SEC24B: variants seen among roughly 807,000 people sequenced by gnomAD.
SEC24B encodes the protein SEC24 homolog B, COPII component, also known as protein transport protein Sec24B.
SEC24B carries 45 observed loss-of-function variants against 142.8 expected under a neutral mutation model. That is an observed-to-expected ratio of 0.32 (90% confidence interval 0.25 to 0.40). SEC24B has a LOEUF of 0.40. Among genes scored for constraint, SEC24B ranks in the 10% least tolerant of loss-of-function variants. SEC24B has a pLI of 1.00. For synonymous variants in SEC24B, 574 were observed against 568.2 expected (o/e 1.01, Z -0.15); for missense variants, 1,409 against 1,526.8 (o/e 0.92, Z 1.29).
chr4:109,519,685 TTCTG>T (rs1387753488), intron 11 of SEC24B, among the ~76,000 whole-genome samples: 1 of 152,200 alleles, frequency 6.6e-6, no homozygotes, highest in Non-Finnish European at 1.5e-5. Flanking sequence ...ACTTGTAGCT[TTCTG>T]TTCTCTGAAA....
In SEC24B at chr4:109,521,561, T is replaced by A. The variant is rs1723616771; in HGVS notation, c.2443T>A (p.Leu815Ile). Residue 815 changes from leucine (L) to isoleucine (I), a missense_variant, in exon 14 of 24, where the codon TTA becomes ATA. By Grantham distance (5) the Leu-to-Ile change is conservative (BLOSUM62 2). This residue lies in a region of SEC24B where 700 missense variants were observed against 853.3 expected (regional missense o/e 0.82). Coordinates refer to ENST00000265175, the MANE Select transcript of SEC24B (RefSeq NM_006323.5). The stretch of plus-strand genomic sequence containing the variant: ...CCGTGTGTCTGTATTTCAGACACAG[T>A]TACCTTCCTTGGGTGCAGGACTTCT... ...GGRVSVFQTQ[L>I]PSLGAGLLQS... 1.9e-6 allele frequency: 3 copies of A among 1,614,134 alleles called. No individual in the cohort carries two copies. Among genetic ancestry groups the A allele is most frequent in the Non-Finnish European group, 2.5e-6 (3 of 1,179,988 alleles).
At chr4:109,532,209 C>T (rs918397675) in intron 20 of SEC24B, among the ~76,000 whole-genome samples, 4 of 152,068 alleles carry the variant, frequency 2.6e-5, no homozygotes, top group Non-Finnish European at 4.4e-5. Flanking sequence ...TATAGTAAAC[C>T]AAATCTGGTA....
At chr4:109,512,663 AT>A (rs1017081723) in intron 9 of SEC24B, among the ~76,000 whole-genome samples, 7 of 145,520 alleles carry the variant, frequency 4.8e-5, no homozygotes, top group Non-Finnish European at 6.1e-5. Context: ...TTTTTTTTTA[AT>A]TTTTTTTTTG....
intron 6 of SEC24B, among the ~76,000 whole-genome samples, chr4:109,496,377 T>G (rs1374739984): frequency 6.6e-6 from 1 of 152,094 alleles, no homozygotes. Context: ...CCTCCCAAAG[T>G]GTGCTGGGAT....
intron 6 of SEC24B, among the ~76,000 whole-genome samples, chr4:109,501,338 C>T (rs1054629806): frequency 2.0e-5 from 3 of 152,210 alleles, no homozygotes; most frequent in South Asian, 2.1e-4. Flanking sequence ...GATGTTTGCA[C>T]AAGGACAAAA....
At chr4:109,495,482 G>T (rs375218416) in intron 6 of SEC24B, among the ~76,000 whole-genome samples, 7 of 152,192 alleles carry the variant, frequency 4.6e-5, no homozygotes, top group South Asian at 2.1e-4. Flanking sequence ...GAGAGGAGAA[G>T]GAGAAACAGC....
intron 1 of SEC24B, among the ~76,000 whole-genome samples, chr4:109,434,807 C>T (rs979085074): frequency 2.0e-5 from 3 of 152,136 alleles, no homozygotes; most frequent in East Asian, 1.9e-4. Context: ...GAGGCAGGGC[C>T]TTCATACAGG....
At chr4:109,443,099 T>C (rs1729088345) in intron 1 of SEC24B, among the ~76,000 whole-genome samples, 1 of 152,160 alleles carries the variant, frequency 6.6e-6, no homozygotes, top group African/African-American at 2.4e-5. Context: ...CATGCTCCCC[T>C]TTTCCCTCAA....
At chr4:109,516,111 A>G (rs981159077) in intron 10 of SEC24B, among the ~76,000 whole-genome samples, 2 of 152,168 alleles carry the variant, frequency 1.3e-5, no homozygotes, top group Non-Finnish European at 2.9e-5. Context: ...GCACTTAAAC[A>G]TTAGGATTCA....
chr4:109,533,926 A>G (rs921010226), intron 22 of SEC24B, among the ~76,000 whole-genome samples: 3 of 151,888 alleles, frequency 2.0e-5, no homozygotes, highest in Non-Finnish European at 4.4e-5. Flanking sequence ...CTTTCTATCT[A>G]TGGATTTGCC....
intron 4 of SEC24B, among the ~76,000 whole-genome samples, chr4:109,488,352 T>C (rs1734604890): frequency 6.6e-6 from 1 of 152,216 alleles, no homozygotes; most frequent in Non-Finnish European, 1.5e-5. Context: ...ACATTTTATA[T>C]GTAGAGATCA....
intron 1 of SEC24B, among the ~76,000 whole-genome samples, chr4:109,454,884 A>G (rs1366998513): frequency 6.6e-6 from 1 of 152,240 alleles, no homozygotes; most frequent in Non-Finnish European, 1.5e-5. Context: ...ATAAGCAGAA[A>G]GAAAGAATGT....
chr4:109,512,125 G>GT, intron 9 of SEC24B, 42 bp downstream of exon 9: 10 of 1,526,902 alleles, frequency 6.5e-6, no homozygotes, highest in Non-Finnish European at 8.8e-6. Flanking sequence ...CCTATTTTCA[G>GT]GTTTTTTTTT....
Position 109,538,474 on chromosome 4 carries a change from A to G in SEC24B, c.3589-19A>G, listed in dbSNP as rs774478196. 2 of 1,546,876 alleles carry G rather than the reference A, an allele frequency of 1.3e-6. No homozygotes were observed. The highest frequency in any genetic ancestry group is 1.7e-5 in the Admixed American group (1 of 59,768). On this transcript the variant is annotated intron_variant, in intron 22 of 23. Transcript: ENST00000265175. ...GTCTATGAGAAAGGAAAGTTTCCTA[A>G]TTGTATTTCTTTTACCAGACACATC... is the stretch of plus-strand genomic sequence containing the variant.
At chr4:109,481,581 G>T in intron 3 of SEC24B, 96 bp from the exon 4 acceptor site, 1 of 759,190 alleles carries the variant, frequency 1.3e-6, no homozygotes. Flanking sequence ...TCTTTGGAAT[G>T]TCAGAGTTCT....
intron 6 of SEC24B, among the ~76,000 whole-genome samples, chr4:109,502,929 G>A (rs1394146589): frequency 1.3e-5 from 2 of 152,048 alleles, no homozygotes; most frequent in African/African-American, 4.8e-5. Context: ...TCTGCAATAA[G>A]TGTAAACCTT....
In SEC24B at chr4:109,539,881, T is replaced by A; in HGVS notation, c.*206T>A. On this transcript the variant is annotated 3_prime_UTR_variant, in exon 24 of 24. Transcript: ENST00000265175. ...CTCAAATTAATGGTAACGATGATGC[T>A]GTTTCACCAAGTATATTTTGAATTG... The A allele has an allele frequency of 1.5e-5, 8 of 541,388 alleles. No homozygotes were observed. The South Asian group carries it at 1.9e-4, about 13-fold the overall frequency. 33.5% of individuals were successfully genotyped at this position (541,388 alleles called of 1,614,324 possible).
At chr4:109,467,030 T>C (rs192158204) in intron 2 of SEC24B, among the ~76,000 whole-genome samples, 1 of 152,218 alleles carries the variant, frequency 6.6e-6, no homozygotes, top group African/African-American at 2.4e-5. Flanking sequence ...ATTATTTTAT[T>C]AAAAAGTCCA....
intron 3 of SEC24B, among the ~76,000 whole-genome samples, chr4:109,478,075 A>G (rs35866656): frequency 0.087 from 13,303 of 152,152 alleles, 655 homozygotes; most frequent in Middle Eastern, 0.18. Context: ...TGAGGTCAGG[A>G]CTTCGAGACC....
Sources: allele counts gnomAD v4.1 joint callset (sites outside exome capture counted in the v4.1 genomes callset), GRCh38; gene constraint gnomAD v4.1.1; regional missense constraint gnomAD v4.1.1; transcripts MANE v1.5; gene names NCBI Gene and HGNC (gene_info 2026-07-23, HGNC 2026-07-21).